The following DCAF8L2 variants were observed in gnomAD, a reference collection of about 807,000 sequenced individuals.
The protein encoded by DCAF8L2 is DDB1 and CUL4 associated factor 8 like 2.
For synonymous variants in DCAF8L2, 200 were observed against 190.9 expected (o/e 1.05, Z -0.39); for missense variants, 430 against 490.7 (o/e 0.88, Z 1.17).
intron 3 of DCAF8L2, among the ~76,000 whole-genome samples, chrX:27,705,011 G>A (rs1456611989): frequency 9.1e-6 from 1 of 109,820 alleles, no homozygotes; most frequent in Non-Finnish European, 1.9e-5. Flanking sequence ...CCCTCCTAGT[G>A]TTCATGTGTT....
At chrX:27,477,311 G>A in the DCAF8L2 span, among the ~76,000 whole-genome samples, 23,411 of 110,640 alleles carry the variant, frequency 0.21, 2,317 homozygotes, top group East Asian at 0.36. Flanking sequence ...TTTTTGAGAC[G>A]GAGTCTCGCT....
chrX:27,645,488 C>T (rs1928903401), intron 2 of DCAF8L2, among the ~76,000 whole-genome samples: 1 of 111,686 alleles, frequency 9.0e-6, no homozygotes, highest in African/African-American at 3.3e-5. Flanking sequence ...TGGAAGCATT[C>T]CCCTTGAAAA....
At chrX:27,636,148 T>C (rs1283910037) in intron 2 of DCAF8L2, among the ~76,000 whole-genome samples, 3 of 111,147 alleles carry the variant, frequency 2.7e-5, no homozygotes, top group African/African-American at 6.6e-5. Flanking sequence ...TAAAAGCTCA[T>C]AGTGTTTGAC....
intron 2 of DCAF8L2, among the ~76,000 whole-genome samples, chrX:27,657,720 G>A (rs1929404938): frequency 9.0e-6 from 1 of 111,657 alleles, no homozygotes. Context: ...TCCTCAGCAG[G>A]GAAGAACCAT....
intron 1 of DCAF8L2, among the ~76,000 whole-genome samples, chrX:27,615,524 A>AATCTATCTGTCT (rs1555919237): frequency 7.7e-5 from 8 of 104,430 alleles, no homozygotes; most frequent in African/African-American, 2.9e-4. Context: ...AGATTCTATC[A>AATCTATCTGTCT]ATCTATCTAT....
chrX:27,670,566 A>T (rs1285875918), intron 2 of DCAF8L2, among the ~76,000 whole-genome samples: 1 of 111,670 alleles, frequency 9.0e-6, no homozygotes, highest in Non-Finnish European at 1.9e-5. Flanking sequence ...CCGTTTAAAG[A>T]ATATCAAGGA....
chrX:27,566,120 G>GC, the DCAF8L2 span, among the ~76,000 whole-genome samples: 2,156 of 95,941 alleles, frequency 0.022, 47 homozygotes, highest in African/African-American at 0.075. Context: ...GCCAACTCCC[G>GC]CCCCCCCGAC....
the DCAF8L2 span, among the ~76,000 whole-genome samples, chrX:27,495,569 A>G: frequency 8.9e-6 from 1 of 111,906 alleles, no homozygotes; most frequent in African/African-American, 3.2e-5. Context: ...ATTGTATTGC[A>G]CTTTATAAAT....
chrX:27,638,407 C>A (rs768459658), intron 2 of DCAF8L2, among the ~76,000 whole-genome samples: 1 of 111,727 alleles, frequency 9.0e-6, no homozygotes, highest in East Asian at 2.8e-4. Context: ...TTACTTGAAT[C>A]AAGCCTGGAA....
chrX:27,616,783 A>T (rs1402727762), intron 1 of DCAF8L2, among the ~76,000 whole-genome samples: 1 of 111,170 alleles, frequency 9.0e-6, no homozygotes, highest in Non-Finnish European at 1.9e-5. Context: ...CCTAGGGAAA[A>T]CGGATTGAAC....
At chrX:27,666,675 G>T (rs769586596) in intron 2 of DCAF8L2, among the ~76,000 whole-genome samples, 2 of 112,273 alleles carry the variant, frequency 1.8e-5, no homozygotes, top group Non-Finnish European at 3.8e-5. Flanking sequence ...TGGTTTGAAA[G>T]ATAATTTTGT....
chrX:27,479,718 G>A, the DCAF8L2 span, among the ~76,000 whole-genome samples: 1 of 112,019 alleles, frequency 8.9e-6, no homozygotes, highest in Non-Finnish European at 1.9e-5. Context: ...TTCCTCTGCA[G>A]CATAATTTTA....
intron 4 of DCAF8L2, among the ~76,000 whole-genome samples, chrX:27,725,304 T>G (rs1375194366): frequency 9.0e-6 from 1 of 110,966 alleles, no homozygotes; most frequent in Non-Finnish European, 1.9e-5. Context: ...TCCAAGGACA[T>G]GCAAAATGCC....
At chrX:27,534,937 T>A in the DCAF8L2 span, among the ~76,000 whole-genome samples, 3 of 112,200 alleles carry the variant, frequency 2.7e-5, no homozygotes, top group Admixed American at 2.9e-4. Context: ...TTATTTTTCT[T>A]TTGAAACCCA....
At chrX:27,533,370 A>G in the DCAF8L2 span, among the ~76,000 whole-genome samples, 3 of 109,954 alleles carry the variant, frequency 2.7e-5, no homozygotes, top group South Asian at 4.0e-4. Context: ...TGATCATGCT[A>G]CTGCACTCCA....
intron 1 of DCAF8L2, among the ~76,000 whole-genome samples, chrX:27,592,619 G>A (rs1417271560): frequency 1.8e-5 from 2 of 108,281 alleles, no homozygotes; most frequent in Non-Finnish European, 3.8e-5. Flanking sequence ...TTGTATTTTA[G>A]TAGAGATGGA....
At chrX:27,570,811 T>C in the DCAF8L2 span, among the ~76,000 whole-genome samples, 2 of 112,158 alleles carry the variant, frequency 1.8e-5, no homozygotes, top group African/African-American at 6.5e-5. Context: ...TCTTCCCAAA[T>C]AGACTGTAAG....
At chrX:27,625,504 A>G (rs541719607) in intron 1 of DCAF8L2, among the ~76,000 whole-genome samples, 2 of 112,292 alleles carry the variant, frequency 1.8e-5, no homozygotes, top group South Asian at 7.4e-4. Context: ...CTATCTGATT[A>G]TTGAGTATGT....
At chrX:27,528,046 T>TTAATTATTAAATTAAATTTTTAATTTAA in the DCAF8L2 span, among the ~76,000 whole-genome samples, 1 of 105,383 alleles carries the variant, frequency 9.5e-6, no homozygotes, top group African/African-American at 3.5e-5. Context: ...TTTAATTTAA[T>TTAATTATTAAATTAAATTTTTAATTTAA]TAATTATTAA....
Sources: allele counts gnomAD v4.1 joint callset (sites outside exome capture counted in the v4.1 genomes callset), GRCh38; gene constraint gnomAD v4.1.1; transcripts MANE v1.5; gene names NCBI Gene and HGNC (gene_info 2026-07-23, HGNC 2026-07-21).